MYBL1: variants seen among roughly 807,000 people sequenced by gnomAD.
MYBL1 encodes the protein MYB proto-oncogene like 1.
MYBL1 carries 17 observed loss-of-function variants against 96.3 expected under a neutral mutation model. The observed-to-expected ratio is 0.18, with a 90% CI of 0.12 to 0.26. The LOEUF is 0.26. MYBL1 is among the 10% of genes least tolerant of loss of function. MYBL1 has a pLI of 1.00. For synonymous variants in MYBL1, 282 were observed against 292.7 expected (o/e 0.96, Z 0.37); for missense variants, 701 against 882.9 (o/e 0.79, Z 2.61).
At position 66,602,582 on chromosome 8, in the gene MYBL1, C is replaced by T. The variant is rs1253482331; in HGVS notation, c.21-59G>A. 1.1e-5 allele frequency: 13 copies of T among 1,209,316 alleles called. No individual in the cohort carries two copies. In the Admixed American group the frequency reaches 2.6e-4, roughly 24 times the overall value. The allele number at this position is 1,209,316 out of a possible 1,614,324, so 74.9% of individuals were successfully genotyped here. On this transcript the variant is annotated intron_variant, in intron 1 of 15. Coordinates refer to ENST00000522677, the MANE Select transcript of MYBL1 (RefSeq NM_001080416.4). Reference sequence around the variant, plus strand: ...TTTTATTTAAATTTGTAAATTCAAACACTGAACTTGTGTGTGCAGGTATGA... The same window carrying T: ...TTTTATTTAAATTTGTAAATTCAAATACTGAACTTGTGTGTGCAGGTATGA...
rs1192621507 is a variant in MYBL1 at position 66,602,448 on chromosome 8, G to C, written c.96C>G (p.Leu32=). The part of the protein sequence containing the change: ...EVPQQKGLKK[L]WNRVKWTRDE... ...CCCTTGTCCATTTTACTCTGTTCCAGAGTTTCTTCAGTCCTTTTTGTTGTG... is the reference window on the plus strand; with the variant it reads ...CCCTTGTCCATTTTACTCTGTTCCACAGTTTCTTCAGTCCTTTTTGTTGTG... Residue 32 remains leucine, a synonymous_variant, in exon 2 of 16, where the codon CTC becomes CTG. Coordinates refer to ENST00000522677, the MANE Select transcript of MYBL1 (RefSeq NM_001080416.4). 1.9e-5 allele frequency: 31 copies of C among 1,605,048 alleles called. No individual in the cohort carries two copies. Among genetic ancestry groups the C allele is most frequent in the Non-Finnish European group, 2.6e-5 (31 of 1,174,656 alleles).
chr8:66,580,412 T>A (rs772495715), intron 8 of MYBL1, 46 bp from the exon 9 acceptor site: 3 of 1,271,722 alleles, frequency 2.4e-6, no homozygotes, highest in Non-Finnish European at 3.3e-6. Flanking sequence ...ATTCTCAATG[T>A]AGGCATAAAT....
intron 8 of MYBL1, among the ~76,000 whole-genome samples, chr8:66,585,783 T>G (rs565218406): frequency 1.9e-4 from 29 of 152,180 alleles, no homozygotes; most frequent in African/African-American, 6.0e-4. Flanking sequence ...TTTAGGACAT[T>G]GTTTGGGCAA....
chr8:66,582,365 A>G (rs535713695), intron 8 of MYBL1, among the ~76,000 whole-genome samples: 2 of 152,076 alleles, frequency 1.3e-5, no homozygotes, highest in South Asian at 2.1e-4. Flanking sequence ...GCAAACAGAA[A>G]CTAAAAGCAA....
chr8:66,592,534 A>G lies in MYBL1; in HGVS notation c.773T>C (p.Ile258Thr), dbSNP rs201545685. The change falls in exon 8 of 16, where the codon ATT becomes ACT. Residue 258 changes from isoleucine to threonine, a missense_variant. Ile to Thr is a moderately conservative substitution (Grantham distance 89). Coordinates refer to ENST00000522677, the MANE Select transcript of MYBL1 (RefSeq NM_001080416.4). ...PTSAFIQQPF[I>T]DEDPDKEKKI... ...CTTTTCCTTATCAGGATCTTCATCA[A>G]TGAAGGGTTGCTAAAATAAGTTAAA... is the stretch of plus-strand genomic sequence containing the variant. 3.0e-4 allele frequency: 475 copies of G among 1,583,316 alleles called. 5 individuals carry two copies. The highest frequency in any genetic ancestry group is 6.8e-5 in the African/African-American group (5 of 73,790).
At chr8:66,576,460 G>T in intron 9 of MYBL1, 85 bp from the exon 10 acceptor site, 3 of 1,413,570 alleles carry the variant, frequency 2.1e-6, no homozygotes, top group Non-Finnish European at 2.9e-6. Flanking sequence ...TTTCCACAGA[G>T]TTAATTAACA....
At chr8:66,606,801 TC>T (rs1450161999) in intron 1 of MYBL1, among the ~76,000 whole-genome samples, 1 of 151,696 alleles carries the variant, frequency 6.6e-6, no homozygotes, top group Non-Finnish European at 1.5e-5. Context: ...TTTTTTTTTT[TC>T]TTTTTTGAGA....
Position 66,613,136 on chromosome 8 carries a change from G to A in MYBL1, c.-298C>T. 1 of 402,362 alleles carries A rather than the reference G, an allele frequency of 2.5e-6. No individual in the cohort carries two copies. Among genetic ancestry groups the A allele is most frequent in the East Asian group, 3.6e-5 (1 of 28,100 alleles). The allele number at this position is 402,362 out of a possible 1,614,324, so 24.9% of individuals were successfully genotyped here. On this transcript the variant is annotated 5_prime_UTR_variant, in exon 1 of 16. Coordinates refer to ENST00000522677, the MANE Select transcript of MYBL1 (RefSeq NM_001080416.4). ...CCTCCGCCGGCTTCTCCCGCCGCTT[G>A]TCAGCCTCCCTGCCCTGGCCCCAGC...
At chr8:66,608,153 T>A (rs1166114554) in intron 1 of MYBL1, among the ~76,000 whole-genome samples, 2 of 152,206 alleles carry the variant, frequency 1.3e-5, no homozygotes, top group Non-Finnish European at 2.9e-5. Flanking sequence ...AAGAGTAATT[T>A]TCCTAAAAAC....
At chr8:66,594,184 G>A (rs1809763617) in intron 6 of MYBL1, among the ~76,000 whole-genome samples, 1 of 151,478 alleles carries the variant, frequency 6.6e-6, no homozygotes, top group Non-Finnish European at 1.5e-5. Flanking sequence ...ATATGAAATT[G>A]TCTGCTTTCC....
intron 12 of MYBL1, among the ~76,000 whole-genome samples, chr8:66,571,890 A>C (rs1048970201): frequency 1.3e-5 from 2 of 148,692 alleles, no homozygotes; most frequent in Non-Finnish European, 2.9e-5. Flanking sequence ...AAAAAAAAAA[A>C]GGAAAAAGGA....
chr8:66,590,069 G>A (rs546685800), intron 8 of MYBL1, among the ~76,000 whole-genome samples: 73 of 151,948 alleles, frequency 4.8e-4, no homozygotes, highest in Admixed American at 1.6e-3. Context: ...CCAAGACCCT[G>A]ACTCAAAAAA....
At chr8:66,591,870 C>T (rs1234740484) in intron 8 of MYBL1, among the ~76,000 whole-genome samples, 1 of 151,868 alleles carries the variant, frequency 6.6e-6, no homozygotes, top group African/African-American at 2.4e-5. Context: ...TATATACACA[C>T]ATATATAAGA....
Position 66,595,771 on chromosome 8 carries a change from G to A in MYBL1, c.513-14C>T. 2 of 1,469,688 alleles carry A rather than the reference G, an allele frequency of 1.4e-6. No individual in the cohort carries two copies. The highest frequency in any genetic ancestry group is 1.4e-5 in the South Asian group (1 of 72,848). 91.0% of individuals were successfully genotyped at this position (1,469,688 alleles called of 1,614,324 possible). Reference sequence around the variant, plus strand: ...GAATTATCAGTCCTAAGAAAGGAAAGGTATGATTTAAAAAGAAAAAAGGAT... The same window carrying A: ...GAATTATCAGTCCTAAGAAAGGAAAAGTATGATTTAAAAAGAAAAAAGGAT... On this transcript the variant is annotated splice_polypyrimidine_tract_variant and intron_variant, in intron 5 of 15. Transcript: ENST00000522677.
chr8:66,599,163 T>C (rs758092394), intron 3 of MYBL1, 21 bp from the exon 4 acceptor site: 2 of 1,531,840 alleles, frequency 1.3e-6, no homozygotes, highest in Non-Finnish European at 1.8e-6. Flanking sequence ...TTAGAAGATT[T>C]TGTTATTAAA....
intron 6 of MYBL1, among the ~76,000 whole-genome samples, chr8:66,594,142 A>G (rs1248517482): frequency 6.7e-6 from 1 of 149,118 alleles, no homozygotes; most frequent in Admixed American, 6.7e-5. Flanking sequence ...CTCAAAAAGA[A>G]AAAAAAAAAG....
intron 9 of MYBL1, 126 bp from the exon 10 acceptor site, chr8:66,576,501 G>A: frequency 1.8e-6 from 2 of 1,140,792 alleles, no homozygotes; most frequent in Non-Finnish European, 2.4e-6. Context: ...TGCTTTCCTT[G>A]GACATTTTTT....
At chr8:66,593,851 C>T (rs1021596222) in intron 6 of MYBL1, among the ~76,000 whole-genome samples, 3 of 151,988 alleles carry the variant, frequency 2.0e-5, no homozygotes, top group East Asian at 1.9e-4. Context: ...GCCTTAAAAT[C>T]GGGGCCGGGT....
At position 66,595,698 on chromosome 8, in the gene MYBL1, T is replaced by C. The variant is rs1809825126; in HGVS notation, c.572A>G (p.Glu191Gly). 1.3e-6 allele frequency: 2 copies of C among 1,580,660 alleles called. No individual in the cohort carries two copies. Among genetic ancestry groups the C allele is most frequent in the East Asian group, 4.6e-5 (2 of 43,796 alleles). The change falls in exon 6 of 16, where the codon GAG becomes GGG. Residue 191 changes from glutamate to glycine, a missense_variant. Coordinates refer to ENST00000522677, the MANE Select transcript of MYBL1 (RefSeq NM_001080416.4). ...TTTTATTCCATCTTGTAAATAGCCC[T>C]CCTGTTCCACTTTTCTTCGCATAGT... is the stretch of plus-strand genomic sequence containing the variant. ...NSTMRRKVEQ[E>G]GYLQDGIKSE...
Sources: allele counts gnomAD v4.1 joint callset (sites outside exome capture counted in the v4.1 genomes callset), GRCh38; gene constraint gnomAD v4.1.1; transcripts MANE v1.5; gene names NCBI Gene and HGNC (gene_info 2026-07-23, HGNC 2026-07-21).